Variants in XPR1 observed in about 807,000 individuals in gnomAD.
XPR1 encodes xenotropic and polytropic retrovirus receptor 1.
XPR1 carries 28 observed loss-of-function variants against 87.5 expected under a neutral mutation model. The ratio of observed to expected loss-of-function variants is 0.32; its 90% confidence interval spans 0.24 to 0.44. XPR1 has a LOEUF of 0.44. Among genes scored for constraint, XPR1 ranks in the 20% least tolerant of loss-of-function variants. The pLI, the probability that XPR1 is intolerant of heterozygous loss-of-function variation, is 1.00. For synonymous variants in XPR1, 300 were observed against 306.1 expected, an observed-to-expected ratio of 0.98 and a Z score of 0.21; for missense variants, 559 against 862.3, an observed-to-expected ratio of 0.65 and a Z score of 4.41.
At chr1:180,825,800 T>C (rs981109534) in intron 9 of XPR1, among the ~76,000 whole-genome samples, 7 of 152,180 alleles carry the variant, frequency 4.6e-5, no homozygotes, top group Admixed American at 2.0e-4. Context: ...CCTGTAATCC[T>C]AGCACTTTAG....
intron 2 of XPR1, among the ~76,000 whole-genome samples, chr1:180,754,161 A>T (rs7546227): frequency 0.44 from 66,393 of 151,964 alleles, 14,895 homozygotes; most frequent in Non-Finnish European, 0.46. Context: ...TAATTACTTA[A>T]CTTCTGATAG....
intron 11 of XPR1, among the ~76,000 whole-genome samples, chr1:180,841,752 T>G (rs2102177738): frequency 1.3e-5 from 2 of 152,268 alleles, no homozygotes; most frequent in Non-Finnish European, 2.9e-5. Flanking sequence ...AAAAACACTT[T>G]TTAGATGGAC....
intron 8 of XPR1, 70 bp from the exon 9 acceptor site, chr1:180,825,095 A>AT (rs1360385800): frequency 4.5e-5 from 68 of 1,522,308 alleles, no homozygotes; most frequent in Non-Finnish European, 5.9e-5. Context: ...TATTAAAGAT[A>AT]TTTTAAGTAA....
intron 2 of XPR1, among the ~76,000 whole-genome samples, chr1:180,761,358 C>T (rs1267571879): frequency 2.6e-5 from 4 of 152,114 alleles, no homozygotes; most frequent in South Asian, 2.1e-4. Context: ...AGAAAATTTT[C>T]GCAACCTACT....
intron 1 of XPR1, 70 bp downstream of exon 1, chr1:180,632,340 C>T: frequency 1.9e-6 from 3 of 1,543,154 alleles, no homozygotes; most frequent in Non-Finnish European, 2.6e-6. Context: ...CGTCCACCGC[C>T]GCCTTCCGCT....
intron 1 of XPR1, among the ~76,000 whole-genome samples, chr1:180,670,542 T>G (rs1161823016): frequency 6.6e-6 from 1 of 152,218 alleles, no homozygotes; most frequent in African/African-American, 2.4e-5. Flanking sequence ...GTCATAAAAT[T>G]ACATTTTTAT....
At chr1:180,712,851 G>T (rs1657847461) in intron 2 of XPR1, among the ~76,000 whole-genome samples, 1 of 150,062 alleles carries the variant, frequency 6.7e-6, no homozygotes, top group African/African-American at 2.4e-5. Context: ...TAAATCAGTT[G>T]TTCATGTATA....
chr1:180,731,735 A>T (rs541990010), intron 2 of XPR1, among the ~76,000 whole-genome samples: 2 of 152,250 alleles, frequency 1.3e-5, no homozygotes, highest in African/African-American at 4.8e-5. Context: ...TCAATGAGAT[A>T]GTTTACATTT....
chr1:180,726,737 A>G (rs182957202), intron 2 of XPR1, among the ~76,000 whole-genome samples: 13 of 152,282 alleles, frequency 8.5e-5, no homozygotes, highest in Non-Finnish European at 1.8e-4. Flanking sequence ...CAAATGTAAA[A>G]TAATGCCACT....
intron 7 of XPR1, among the ~76,000 whole-genome samples, chr1:180,821,332 G>T (rs1474560087): frequency 1.3e-5 from 2 of 152,100 alleles, no homozygotes; most frequent in Non-Finnish European, 2.9e-5. Flanking sequence ...AATGGTGTTG[G>T]CACTCATGTT....
At chr1:180,643,236 G>A (rs1655012372) in intron 1 of XPR1, among the ~76,000 whole-genome samples, 2 of 152,094 alleles carry the variant, frequency 1.3e-5, no homozygotes, top group Non-Finnish European at 2.9e-5. Context: ...GCATAGCCAA[G>A]GATAATGAAG....
At chr1:180,807,372 A>G (rs76505513) in intron 6 of XPR1, among the ~76,000 whole-genome samples, 1,762 of 152,346 alleles carry the variant, frequency 0.012, 38 homozygotes, top group African/African-American at 0.04. Flanking sequence ...AGGTTGCCAA[A>G]TACAAGACCA....
At chr1:180,730,306 T>C (rs1658508076) in intron 2 of XPR1, among the ~76,000 whole-genome samples, 2 of 152,188 alleles carry the variant, frequency 1.3e-5, no homozygotes, top group Non-Finnish European at 2.9e-5. Context: ...TTGTATAGTT[T>C]GAAGTTAGGT....
chr1:180,846,493 G>C (rs1479479883), intron 11 of XPR1, among the ~76,000 whole-genome samples: 1 of 151,110 alleles, frequency 6.6e-6, no homozygotes, highest in East Asian at 1.9e-4. Context: ...CCATCCTGGA[G>C]TGCAGTGGCA....
intron 2 of XPR1, among the ~76,000 whole-genome samples, chr1:180,772,163 T>C (rs992917468): frequency 6.6e-6 from 1 of 152,220 alleles, no homozygotes; most frequent in African/African-American, 2.4e-5. Context: ...GATTATAATC[T>C]AGTACTGTTA....
intron 7 of XPR1, among the ~76,000 whole-genome samples, chr1:180,813,499 A>G (rs1035859447): frequency 6.6e-6 from 1 of 151,882 alleles, no homozygotes; most frequent in African/African-American, 2.4e-5. Flanking sequence ...CTCTTTTTCC[A>G]CTGGAATATA....
At chr1:180,742,348 A>T (rs539100540) in intron 2 of XPR1, among the ~76,000 whole-genome samples, 2 of 152,236 alleles carry the variant, frequency 1.3e-5, no homozygotes, top group African/African-American at 4.8e-5. Flanking sequence ...ATTAATTCAA[A>T]ATATTTTCTG....
chr1:180,632,336 C>T, intron 1 of XPR1, 66 bp downstream of exon 1: 1 of 1,542,052 alleles, frequency 6.5e-7, no homozygotes, highest in Non-Finnish European at 8.8e-7. Flanking sequence ...CTGACGTCCA[C>T]CGCCGCCTTC....
rs1653050947 is a variant in XPR1, at chr1:180,887,477, A to G, written c.*3411A>G. 6.6e-6 allele frequency: 1 copy of G among 152,242 alleles called. No individual in the cohort carries two copies. The highest frequency in any genetic ancestry group is 1.5e-5 in the Non-Finnish European group (1 of 68,038). 9.4% of individuals were successfully genotyped at this position (152,242 alleles called of 1,614,324 possible). On this transcript the variant is annotated 3_prime_UTR_variant, in exon 15 of 15. Coordinates refer to ENST00000367590, the MANE Select transcript of XPR1 (RefSeq NM_004736.4). Reference sequence around the variant, plus strand: ...GCCTATATTTAAGGCTGCCTATACCATTACAGTGGCGTAATTGGTGATTTC... The same window carrying G: ...GCCTATATTTAAGGCTGCCTATACCGTTACAGTGGCGTAATTGGTGATTTC...
Sources: allele counts gnomAD v4.1 joint callset (sites outside exome capture counted in the v4.1 genomes callset), GRCh38; gene constraint gnomAD v4.1.1; transcripts MANE v1.5; gene names NCBI Gene and HGNC (gene_info 2026-07-23, HGNC 2026-07-21).